CBFA2T3: variants seen among roughly 807,000 people sequenced by gnomAD.
CBFA2T3 encodes transcriptional corepressor CBFA2T3.
CBFA2T3 carries 31 observed loss-of-function variants against 58.6 expected under a neutral mutation model. The observed-to-expected ratio is 0.53, with a 90% CI of 0.40 to 0.71. The LOEUF (loss-of-function observed/expected upper bound fraction) is 0.71. CBFA2T3 is among the 30% of genes least tolerant of loss of function. The probability of loss-of-function intolerance (pLI) is 0.00; values close to 1 mark genes in which losing one functional copy is unlikely to be tolerated. For synonymous variants in CBFA2T3, 531 were observed against 421.9 expected (o/e 1.26, Z -3.17); for missense variants, 1,076 against 963.1 (o/e 1.12, Z -1.55).
intron 1 of CBFA2T3, among the ~76,000 whole-genome samples, chr16:88,906,711 C>A (rs75320646): frequency 0.042 from 6,334 of 152,352 alleles, 206 homozygotes; most frequent in Admixed American, 0.089. Context: ...GAGGCGGGCC[C>A]TGTCACTACG....
chr16:88,975,163 G>GGCCCTCTGCTCCTC (rs1567643895), intron 1 of CBFA2T3, among the ~76,000 whole-genome samples: 4 of 134,276 alleles, frequency 3.0e-5, no homozygotes, highest in Admixed American at 7.5e-5. Flanking sequence ...GGTCCACCCT[G>GGCCCTCTGCTCCTC]ACCCTCTCTG....
At chr16:88,945,766 T>C (rs532591690) in intron 1 of CBFA2T3, among the ~76,000 whole-genome samples, 2 of 152,356 alleles carry the variant, frequency 1.3e-5, no homozygotes, top group Admixed American at 1.3e-4. Flanking sequence ...TGACTGTTTC[T>C]TATGAAACTA....
intron 3 of CBFA2T3, among the ~76,000 whole-genome samples, chr16:88,893,489 C>T (rs1316483703): frequency 6.6e-6 from 1 of 152,222 alleles, no homozygotes; most frequent in African/African-American, 2.4e-5. Flanking sequence ...TTGCACACAG[C>T]CCCAACGCCT....
intron 1 of CBFA2T3, among the ~76,000 whole-genome samples, chr16:88,930,307 TGGTC>T (rs1971249273): frequency 1.3e-5 from 2 of 150,184 alleles, no homozygotes; most frequent in African/African-American, 5.0e-5. Flanking sequence ...CACAGCTGCA[TGGTC>T]CACGCAAAAG....
At chr16:88,913,434 A>G (rs1970591934) in intron 1 of CBFA2T3, among the ~76,000 whole-genome samples, 1 of 152,252 alleles carries the variant, frequency 6.6e-6, no homozygotes, top group African/African-American at 2.4e-5. Flanking sequence ...AGCTTGTTAC[A>G]TGGCGATAGC....
intron 1 of CBFA2T3, among the ~76,000 whole-genome samples, chr16:88,904,203 T>C (rs1970214005): frequency 6.6e-6 from 1 of 152,140 alleles, no homozygotes; most frequent in Admixed American, 6.5e-5. Context: ...GGACTTCATG[T>C]GGTTCCCTTT....
At chr16:88,973,654 C>A (rs1972713938) in intron 1 of CBFA2T3, among the ~76,000 whole-genome samples, 1 of 152,170 alleles carries the variant, frequency 6.6e-6, no homozygotes, top group African/African-American at 2.4e-5. Flanking sequence ...ACGTTCCAGA[C>A]CCACAACATT....
intron 3 of CBFA2T3, among the ~76,000 whole-genome samples, chr16:88,897,194 CAA>C (rs1183641102): frequency 2.0e-5 from 3 of 152,246 alleles, no homozygotes; most frequent in Non-Finnish European, 4.4e-5. Flanking sequence ...GAGTGGATGA[CAA>C]GAGCCACTGT....
chr16:88,900,004 C>T (rs1038828954), intron 2 of CBFA2T3, among the ~76,000 whole-genome samples: 11 of 152,218 alleles, frequency 7.2e-5, no homozygotes, highest in African/African-American at 1.4e-4. Context: ...CCGGCCACAT[C>T]GCCGTGTGAC....
rs533685504 is a variant in CBFA2T3, at chr16:88,926,142, G to C, written c.152-24486C>G. On this transcript the variant is annotated intron_variant, in intron 1 of 11. Coordinates refer to ENST00000268679, the MANE Select transcript of CBFA2T3 (RefSeq NM_005187.6). ...TTAATCCCACTGTGATGGGGCCAGTGAGCGAATTCCCAGGAGGGCAGAGCA... is the reference window on the plus strand; with the variant it reads ...TTAATCCCACTGTGATGGGGCCAGTCAGCGAATTCCCAGGAGGGCAGAGCA... 6.6e-4 allele frequency among the ~76,000 whole-genome samples: 101 copies of C among 152,340 alleles called. 1 individual carries two copies. The highest frequency in any genetic ancestry group is 2.4e-3 in the African/African-American group (99 of 41,586).
intron 1 of CBFA2T3, among the ~76,000 whole-genome samples, chr16:88,912,976 C>A (rs1970577633): frequency 1.3e-5 from 2 of 152,334 alleles, no homozygotes; most frequent in African/African-American, 4.8e-5. Context: ...TATTCAGGGC[C>A]CTCTCCCCCA....
chr16:88,904,597 G>A (rs1413401664), intron 1 of CBFA2T3, among the ~76,000 whole-genome samples: 1 of 152,254 alleles, frequency 6.6e-6, no homozygotes, highest in Non-Finnish European at 1.5e-5. Flanking sequence ...GGCTGCAGGG[G>A]CAGGAGGCCC....
At chr16:88,941,186 G>C (rs1381027935) in intron 1 of CBFA2T3, 3 of 982,048 alleles carry the variant, frequency 3.1e-6, no homozygotes, top group Admixed American at 1.2e-4. Flanking sequence ...GGGCTGGGGC[G>C]CGCGGGGCGG....
At chr16:88,954,033 C>T (rs1391962594) in intron 1 of CBFA2T3, among the ~76,000 whole-genome samples, 1 of 152,116 alleles carries the variant, frequency 6.6e-6, no homozygotes, top group African/African-American at 2.4e-5. Context: ...AGTCCTGGTC[C>T]TTCATGCCTG....
intron 1 of CBFA2T3, among the ~76,000 whole-genome samples, chr16:88,932,256 GCC>G (rs1450256403): frequency 2.4e-5 from 3 of 126,080 alleles, no homozygotes; most frequent in Non-Finnish European, 4.8e-5. Context: ...CCCTCACACG[GCC>G]CCCACTTCCC....
chr16:88,891,587 G>A (rs1245246599), intron 5 of CBFA2T3, among the ~76,000 whole-genome samples: 1 of 152,190 alleles, frequency 6.6e-6, no homozygotes, highest in Non-Finnish European at 1.5e-5. Flanking sequence ...AACCAGAGGC[G>A]AACCGGACAG....
At chr16:88,884,892 C>T in intron 7 of CBFA2T3, 154 bp downstream of exon 7, 1 of 618,926 alleles carries the variant, frequency 1.6e-6, no homozygotes. Flanking sequence ...CCGCTCTGCT[C>T]CAGGGGGAAT....
At chr16:88,891,545 C>T (rs560643733) in intron 5 of CBFA2T3, among the ~76,000 whole-genome samples, 6 of 152,336 alleles carry the variant, frequency 3.9e-5, no homozygotes, top group Admixed American at 6.5e-5. Flanking sequence ...AAAAATCACC[C>T]GTGGAGTGAG....
chr16:88,881,494 G>C lies in CBFA2T3; in HGVS notation c.1204-5C>G, dbSNP rs529754752. 1 of 1,598,640 alleles carries C rather than the reference G, an allele frequency of 6.3e-7. No homozygotes were observed. ...GTCCATGATGCAGTTCAGGAGCTGG[G>C]GGCGGGCGGCGCAGCCTTCAGCACC... On this transcript the variant is annotated splice_polypyrimidine_tract_variant and splice_region_variant and intron_variant, in intron 8 of 11. Coordinates refer to ENST00000268679, the MANE Select transcript of CBFA2T3 (RefSeq NM_005187.6).
Sources: allele counts gnomAD v4.1 joint callset (sites outside exome capture counted in the v4.1 genomes callset), GRCh38; gene constraint gnomAD v4.1.1; transcripts MANE v1.5; gene names NCBI Gene and HGNC (gene_info 2026-07-23, HGNC 2026-07-21).